CNKSR3: variants seen among roughly 807,000 people sequenced by gnomAD.
CNKSR3 encodes the protein CNKSR family member 3.
Under a neutral mutation model 67.7 loss-of-function variants are expected in CNKSR3, and 36 were observed. The ratio of observed to expected loss-of-function variants is 0.53; its 90% CI spans 0.41 to 0.70. The LOEUF (loss-of-function observed/expected upper bound fraction) is 0.70, where lower values mean the gene tolerates loss of function less well. Ranked by LOEUF, CNKSR3 falls within the 30% of genes least tolerant of loss-of-function variation. The pLI is 0.00. For synonymous variants in CNKSR3, 281 were observed against 271.4 expected, an observed-to-expected ratio of 1.04 and a Z score of -0.35; for missense variants, 630 against 695.2, an observed-to-expected ratio of 0.91 and a Z score of 1.05.
chr6:154,410,404 A>T lies in CNKSR3; in HGVS notation c.1308T>A (p.Ala436=), dbSNP rs771548567. Residue 436 remains alanine, a synonymous_variant, in exon 12 of 13, where the codon GCT becomes GCA. Transcript: ENST00000607772. ...CCACAATCCCCATCCAGTTCCCATC[A>T]GCAGGCATGGACAAAGGCCGTGGCT... ...YGKPRPLSMP[A]DGNWMGIVDP... is the part of the protein sequence containing the mutation. The T allele has an allele frequency of 1.2e-6, 2 of 1,614,140 alleles. No individual in the cohort carries two copies. The highest frequency in any genetic ancestry group is 2.2e-5 in the South Asian group (2 of 91,080).
chr6:154,417,407 T>C (rs1428179370), intron 9 of CNKSR3, among the ~76,000 whole-genome samples: 2 of 152,198 alleles, frequency 1.3e-5, no homozygotes, highest in Non-Finnish European at 2.9e-5. Flanking sequence ...CCTGAGGCCT[T>C]CTGATGTGCT....
chr6:154,470,164 G>A (rs941931585), intron 1 of CNKSR3, among the ~76,000 whole-genome samples: 2 of 115,484 alleles, frequency 1.7e-5, no homozygotes, highest in African/African-American at 6.3e-5. Flanking sequence ...CCCAACTCCT[G>A]TAATAAAGAA....
rs1243588340 is a variant in CNKSR3, at chr6:154,442,069, A to G, written c.419+19T>C. ...CTATCTACTCTTGCAGGGCAGTAAA[A>G]GGCACATCTCCAACTTACCGGTCCA... On this transcript the variant is annotated intron_variant, in intron 3 of 12. Transcript: ENST00000607772. 1 of 1,583,660 alleles carries G rather than the reference A, an allele frequency of 6.3e-7. No individual in the cohort carries two copies. The highest frequency in any genetic ancestry group is 1.1e-5 in the South Asian group (1 of 87,044).
chr6:154,468,076 T>A (rs553119620), intron 1 of CNKSR3, among the ~76,000 whole-genome samples: 152 of 73,436 alleles, frequency 2.1e-3, no homozygotes, highest in Middle Eastern at 0.013. Context: ...TTTTTCTTTT[T>A]TTTCTTTTTT....
chr6:154,479,603 C>T (rs1031142296), intron 1 of CNKSR3, among the ~76,000 whole-genome samples: 2 of 152,180 alleles, frequency 1.3e-5, no homozygotes, highest in African/African-American at 4.8e-5. Context: ...CAACCAAGGA[C>T]TGACAATAAT....
chr6:154,406,347 G>A lies in CNKSR3; in HGVS notation c.*7C>T. 3 of 1,606,524 alleles carry A rather than the reference G, an allele frequency of 1.9e-6. No homozygotes were observed. Among genetic ancestry groups the A allele is most frequent in the Non-Finnish European group, 2.5e-6 (3 of 1,176,812 alleles). On this transcript the variant is annotated 3_prime_UTR_variant, in exon 13 of 13. Transcript: ENST00000607772. ...GAGCCAGGCAGGTGGCCTGAGCAGG[G>A]TCCCTCTCAGTGAGTCAACAGTTTG...
chr6:154,417,738 G>A (rs1366960258), intron 9 of CNKSR3, among the ~76,000 whole-genome samples: 1 of 152,080 alleles, frequency 6.6e-6, no homozygotes, highest in Non-Finnish European at 1.5e-5. Flanking sequence ...TATATGGAGG[G>A]AAGACCACAC....
chr6:154,438,123 T>G (rs1348046658), intron 4 of CNKSR3, among the ~76,000 whole-genome samples: 1 of 152,222 alleles, frequency 6.6e-6, no homozygotes, highest in East Asian at 1.9e-4. Context: ...TTAATCTTCA[T>G]AACAATCTTT....
At position 154,394,695 on chromosome 6, in the gene CNKSR3, GA is replaced by G. The variant is rs1784641514; in HGVS notation, c.*11658del. On this transcript the variant is annotated 3_prime_UTR_variant, in exon 13 of 13. Transcript: ENST00000607772. ...ATAAAAAGCAGAAATCAGTGAAATT[GA>G]AAACAAAGAAACAACAGAAAGGCCC... The G allele has an allele frequency of 6.7e-6, 1 of 149,402 alleles. No homozygotes were observed. Among genetic ancestry groups the G allele is most frequent in the Non-Finnish European group, 1.5e-5 (1 of 67,246 alleles). 9.3% of individuals were successfully genotyped at this position (149,402 alleles called of 1,614,324 possible).
At chr6:154,460,040 C>G (rs997029328) in intron 1 of CNKSR3, among the ~76,000 whole-genome samples, 1 of 152,214 alleles carries the variant, frequency 6.6e-6, no homozygotes, top group Non-Finnish European at 1.5e-5. Context: ...ATGGACCCAG[C>G]CTGCCCCCAC....
rs1307027975 is a variant in CNKSR3 at position 154,505,529 on chromosome 6, A to G, written c.52+4534T>C. Among the ~76,000 whole-genome samples, 6 of 145,710 alleles carry G rather than the reference A, an allele frequency of 4.1e-5. 1 individual carries two copies. The East Asian group carries it at 8.6e-4, about 21-fold the overall frequency. ...TTTTTTTTTTTTGAGACAGAGTCTC[A>G]CTCTGTCGCCTAGGCTGGAGTGCAG... is the stretch of plus-strand genomic sequence containing the variant. On this transcript the variant is annotated intron_variant, in intron 1 of 12. Coordinates refer to ENST00000607772, the MANE Select transcript of CNKSR3 (RefSeq NM_173515.4).
At chr6:154,449,469 C>T (rs1048763078) in intron 2 of CNKSR3, among the ~76,000 whole-genome samples, 1 of 152,110 alleles carries the variant, frequency 6.6e-6, no homozygotes, top group Non-Finnish European at 1.5e-5. Flanking sequence ...ACTATAGGTG[C>T]GTGCTAGCCA....
rs530994480 is a variant in CNKSR3 at position 154,389,992 on chromosome 6, T to C, written c.*16362A>G. ...ATAGAAAAATAAACAAACTCAAGTATGCAGAGTTAAGTTAATCATAATCTT... is the reference window on the plus strand; with the variant it reads ...ATAGAAAAATAAACAAACTCAAGTACGCAGAGTTAAGTTAATCATAATCTT... On this transcript the variant is annotated 3_prime_UTR_variant, in exon 13 of 13. Coordinates refer to ENST00000607772, the MANE Select transcript of CNKSR3 (RefSeq NM_173515.4). 9.8e-5 allele frequency: 15 copies of C among 152,370 alleles called. No homozygotes were observed. The highest frequency in any genetic ancestry group is 3.6e-4 in the African/African-American group (15 of 41,586). 9.4% of individuals were successfully genotyped at this position (152,370 alleles called of 1,614,324 possible). A position where few individuals can be genotyped will look rare whatever the true frequency, so the allele number is the denominator to read the frequency against.
chr6:154,458,582 C>A (rs919488585), intron 1 of CNKSR3, among the ~76,000 whole-genome samples: 4 of 152,064 alleles, frequency 2.6e-5, no homozygotes, highest in African/African-American at 9.7e-5. Flanking sequence ...AAAAAAGTTC[C>A]CTCGGGCCCC....
rs1023773935 is a variant in CNKSR3, at chr6:154,388,133, C to G, written c.*18221G>C. 1 of 152,110 alleles carries G rather than the reference C, an allele frequency of 6.6e-6. No homozygotes were observed. Among genetic ancestry groups the G allele is most frequent in the African/African-American group, 2.4e-5 (1 of 41,418 alleles). 9.4% of individuals were successfully genotyped at this position (152,110 alleles called of 1,614,324 possible). A position where few individuals can be genotyped will look rare whatever the true frequency, so the allele number is the denominator to read the frequency against. On this transcript the variant is annotated 3_prime_UTR_variant, in exon 13 of 13. Transcript: ENST00000607772. Reference sequence around the variant, plus strand: ...AAATCTCTAGAGCTTATTCACCTGACTTCACTGAAACTTTATGCCTATTGA... The same window carrying G: ...AAATCTCTAGAGCTTATTCACCTGAGTTCACTGAAACTTTATGCCTATTGA...
Position 154,422,425 on chromosome 6 carries a change from C to T in CNKSR3, c.945+81G>A, listed in dbSNP as rs187237453. ...ACTCCTGAAACCAATCAATCACCTT[C>T]AAATTTTAATCTCTTTTTGTTTGGA... On this transcript the variant is annotated intron_variant, in intron 9 of 12. Coordinates refer to ENST00000607772, the MANE Select transcript of CNKSR3 (RefSeq NM_173515.4). 3.6e-6 allele frequency: 5 copies of T among 1,397,620 alleles called. No individual in the cohort carries two copies. In the East Asian group the frequency reaches 1.1e-4, roughly 32 times the overall value. 86.6% of individuals were successfully genotyped at this position (1,397,620 alleles called of 1,614,324 possible). A position where few individuals can be genotyped will look rare whatever the true frequency, so the allele number is the denominator to read the frequency against.
At position 154,398,627 on chromosome 6, in the gene CNKSR3, A is replaced by G. The variant is rs528291548; in HGVS notation, c.*7727T>C. The G allele has an allele frequency of 6.6e-6, 1 of 152,340 alleles. No individual in the cohort carries two copies. Among genetic ancestry groups the G allele is most frequent in the South Asian group, 2.1e-4 (1 of 4,832 alleles). The allele number at this position is 152,340 out of a possible 1,614,324, so 9.4% of individuals were successfully genotyped here. On this transcript the variant is annotated 3_prime_UTR_variant, in exon 13 of 13. Transcript: ENST00000607772. ...AGGAAACATAGAAACGAGTTTGAGGAATACCACTTCAAGATGGGAATGGGA... is the reference window on the plus strand; with the variant it reads ...AGGAAACATAGAAACGAGTTTGAGGGATACCACTTCAAGATGGGAATGGGA...
At chr6:154,426,653 C>A (rs1189655686) in intron 7 of CNKSR3, among the ~76,000 whole-genome samples, 2 of 152,170 alleles carry the variant, frequency 1.3e-5, no homozygotes, top group Admixed American at 6.5e-5. Flanking sequence ...CCGCACCCGG[C>A]CCGTCTTTTC....
At chr6:154,430,680 T>A in intron 5 of CNKSR3, 89 bp from the exon 6 acceptor site, 1 of 1,259,916 alleles carries the variant, frequency 7.9e-7, no homozygotes, top group Non-Finnish European at 1.1e-6. Flanking sequence ...ATTTCACCTA[T>A]AATTGTTAGT....
Sources: gnomAD v4.1 joint callset for allele counts (sites outside exome capture counted in the v4.1 genomes callset) on GRCh38, gnomAD v4.1.1 for gene constraint, MANE v1.5 for transcripts, NCBI Gene and HGNC (gene_info 2026-07-23, HGNC 2026-07-21) for gene names.